DNAH6: variants seen among roughly 807,000 people sequenced by gnomAD.
DNAH6 encodes the protein axonemal beta dynein heavy chain 6.
In DNAH6, 340 loss-of-function variants were observed where a neutral mutation model predicts 491.4. The observed-to-expected ratio is 0.69, with a 90% CI of 0.63 to 0.76. The LOEUF is 0.76. Ranked by LOEUF, DNAH6 falls within the 30% of genes least tolerant of loss-of-function variation. The pLI, the probability that DNAH6 is intolerant of heterozygous loss-of-function variation, is 0.00. For missense variants in DNAH6, 4,443 were observed against 4,972.2 expected, an observed-to-expected ratio of 0.89 and a Z score of 3.20; for synonymous variants, 1,603 against 1,686.1, an observed-to-expected ratio of 0.95 and a Z score of 1.21.
In DNAH6 at chr2:84,549,839, T is replaced by A. The variant is rs772993416; in HGVS notation, c.1317-50T>A. The A allele has an allele frequency of 3.0e-6, 4 of 1,351,904 alleles. No homozygotes were observed. The South Asian group carries it at 4.1e-5, about 14-fold the overall frequency. 83.7% of individuals were successfully genotyped at this position (1,351,904 alleles called of 1,614,324 possible). ...TGCTTTAGAGACACTGTCAAAAATATGTAGTGAATATAAGAAACCGAAATT... is the reference window on the plus strand; with the variant it reads ...TGCTTTAGAGACACTGTCAAAAATAAGTAGTGAATATAAGAAACCGAAATT... On this transcript the variant is annotated intron_variant, in intron 8 of 76. Transcript: ENST00000389394.
chr2:84,601,153 G>C (rs1379128228), intron 18 of DNAH6, among the ~76,000 whole-genome samples: 1 of 151,094 alleles, frequency 6.6e-6, no homozygotes, highest in Non-Finnish European at 1.5e-5. Context: ...GTGCTGGGAA[G>C]TAAGAAAGAG....
chr2:84,610,528 G>A (rs556877437), intron 21 of DNAH6, among the ~76,000 whole-genome samples: 85 of 152,024 alleles, frequency 5.6e-4, no homozygotes, highest in Non-Finnish European at 9.3e-4. Context: ...TTTCCTTGTG[G>A]TGCACATGTT....
intron 64 of DNAH6, chr2:84,777,856 G>T: frequency 8.0e-7 from 1 of 1,247,292 alleles, no homozygotes; most frequent in East Asian, 2.3e-5. Context: ...TAAGCAAATT[G>T]CAGTTCGTGC....
chr2:84,477,757 G>C, the DNAH6 span, among the ~76,000 whole-genome samples: 1 of 152,198 alleles, frequency 6.6e-6, no homozygotes, highest in South Asian at 2.1e-4. Context: ...TGTGAGGAGA[G>C]AGTGAAAGAA....
At chr2:84,655,799 G>A (rs1370470343) in intron 35 of DNAH6, among the ~76,000 whole-genome samples, 5 of 152,018 alleles carry the variant, frequency 3.3e-5, no homozygotes, top group African/African-American at 1.2e-4. Flanking sequence ...TGCATAAATG[G>A]TGAACCACTA....
In DNAH6 at chr2:84,614,155, G is replaced by A. The variant is rs148522437; in HGVS notation, c.3475+2301G>A. ...CCGCACAGTGTACTGTACCCAATGCGTAGTCTTTTATCTTTTTATCCCTCA... is the reference window on the plus strand; with the variant it reads ...CCGCACAGTGTACTGTACCCAATGCATAGTCTTTTATCTTTTTATCCCTCA... On this transcript the variant is annotated intron_variant, in intron 22 of 76. Transcript: ENST00000389394. Among the ~76,000 whole-genome samples the A allele has an allele frequency of 1.2e-4, 18 of 152,056 alleles. No homozygotes were observed. In the East Asian group the frequency reaches 2.3e-3, roughly 20 times the overall value.
chr2:84,573,479 G>A lies in DNAH6; in HGVS notation c.1816G>A (p.Ala606Thr), dbSNP rs1402296425. The A allele has an allele frequency of 2.5e-6, 4 of 1,580,942 alleles. No homozygotes were observed. The highest frequency in any genetic ancestry group is 3.4e-6 in the Non-Finnish European group (4 of 1,170,172). ...TTATAACATTTAGGAAACCATTCAG[G>A]CCGCATTTGAATCAGCCCGCATCTA... is the stretch of plus-strand genomic sequence containing the variant. ...IISQIKETIQAAFESARIYAA... is the reference protein window; with the variant it reads ...IISQIKETIQTAFESARIYAA... The change falls in exon 12 of 77, where the codon GCC (alanine) becomes ACC (threonine). Residue 606 changes from alanine (A) to threonine (T), a missense_variant. Around this residue, in one of 3 missense-constraint regions of DNAH6, gnomAD observed 2,977 missense variants for 3,296.6 expected, o/e 0.90. Coordinates refer to ENST00000389394, the MANE Select transcript of DNAH6 (RefSeq NM_001370.2).
At chr2:84,789,907 G>T (rs1677582716) in intron 68 of DNAH6, among the ~76,000 whole-genome samples, 1 of 152,050 alleles carries the variant, frequency 6.6e-6, no homozygotes, top group Non-Finnish European at 1.5e-5. Context: ...ATTTTCTTCG[G>T]TTAATATAAA....
At position 84,730,393 on chromosome 2, in the gene DNAH6, A is replaced by G. The variant is rs564344021; in HGVS notation, c.10206+2491A>G. ...TTCTGCAAATTGAGGTCTCCAGGCT[A>G]TTCTCATTGGGTATATTCAGTCCAT... On this transcript the variant is annotated intron_variant, in intron 61 of 76. Transcript: ENST00000389394. Among the ~76,000 whole-genome samples the G allele has an allele frequency of 8.5e-4, 129 of 152,314 alleles. 1 individual carries two copies. Among genetic ancestry groups the G allele is most frequent in the Admixed American group, 2.8e-3 (43 of 15,302 alleles).
At chr2:84,690,298 C>A (rs2104774645) in intron 45 of DNAH6, among the ~76,000 whole-genome samples, 1 of 152,282 alleles carries the variant, frequency 6.6e-6, no homozygotes, top group East Asian at 1.9e-4. Flanking sequence ...CTTTAATTAG[C>A]CCTAATTCAA....
At chr2:84,713,656 C>G (rs1697260319) in intron 57 of DNAH6, among the ~76,000 whole-genome samples, 1 of 152,170 alleles carries the variant, frequency 6.6e-6, no homozygotes, top group Non-Finnish European at 1.5e-5. Flanking sequence ...GTTATTATGA[C>G]TAGTAAATGA....
At chr2:84,520,283 C>T (rs1054091606) in intron 2 of DNAH6, among the ~76,000 whole-genome samples, 3 of 152,102 alleles carry the variant, frequency 2.0e-5, no homozygotes, top group African/African-American at 7.2e-5. Context: ...ATCCAATGTA[C>T]ACATGTTGCC....
intron 37 of DNAH6, among the ~76,000 whole-genome samples, chr2:84,665,559 G>A (rs1692035340): frequency 2.6e-5 from 4 of 152,080 alleles, no homozygotes; most frequent in Admixed American, 2.6e-4. Context: ...GGAAGAAGTT[G>A]AATCCCTGAA....
chr2:84,462,499 A>G, the DNAH6 span, among the ~76,000 whole-genome samples: 1 of 152,280 alleles, frequency 6.6e-6, no homozygotes, highest in East Asian at 1.9e-4. Flanking sequence ...GGCAAAATAA[A>G]TTTTCTAAAT....
chr2:84,665,522 C>A (rs1692028950), intron 37 of DNAH6, among the ~76,000 whole-genome samples: 1 of 152,142 alleles, frequency 6.6e-6, no homozygotes, highest in African/African-American at 2.4e-5. Context: ...AATTCCTGGA[C>A]ACATACACCC....
intron 35 of DNAH6, among the ~76,000 whole-genome samples, chr2:84,656,416 T>G (rs1433435435): frequency 6.6e-6 from 1 of 152,152 alleles, no homozygotes; most frequent in Non-Finnish European, 1.5e-5. Flanking sequence ...CAATAATGAA[T>G]GAGAATTCCT....
intron 12 of DNAH6, among the ~76,000 whole-genome samples, chr2:84,575,883 C>CA (rs956631721): frequency 7.2e-4 from 108 of 149,962 alleles, no homozygotes; most frequent in African/African-American, 2.3e-3. Context: ...GACTCCGTCT[C>CA]AAAAAAAAAG....
At chr2:84,808,112 GA>G (rs1170621254) in intron 71 of DNAH6, among the ~76,000 whole-genome samples, 2 of 146,988 alleles carry the variant, frequency 1.4e-5, no homozygotes, top group Non-Finnish European at 3.0e-5. Context: ...TAATGTTTGA[GA>G]AAAAAAAGTG....
the DNAH6 span, among the ~76,000 whole-genome samples, chr2:84,503,152 C>T: frequency 6.6e-6 from 1 of 151,474 alleles, no homozygotes; most frequent in Admixed American, 6.6e-5. Flanking sequence ...TGTGTGTCTT[C>T]GTTGTATGTT....
Sources: allele counts gnomAD v4.1 joint callset (sites outside exome capture counted in the v4.1 genomes callset), GRCh38; gene constraint gnomAD v4.1.1; regional missense constraint gnomAD v4.1.1; transcripts MANE v1.5; gene names NCBI Gene and HGNC (gene_info 2026-07-23, HGNC 2026-07-21).